MYO18B: variants seen among roughly 807,000 people sequenced by gnomAD.
MYO18B encodes myosin XVIIIB, also known as unconventional myosin-XVIIIb.
In MYO18B, 204 loss-of-function variants were observed where a neutral mutation model predicts 273.0. That is an observed-to-expected ratio of 0.75 (90% CI 0.67 to 0.84). The LOEUF (loss-of-function observed/expected upper bound fraction) is 0.84. MYO18B is among the 40% of genes least tolerant of loss of function. MYO18B has a pLI of 0.00. For missense variants in MYO18B, 3,212 were observed against 3,287.6 expected (o/e 0.98, Z 0.56); for synonymous variants, 1,330 against 1,305.7 (o/e 1.02, Z -0.40).
At chr22:25,878,161 C>G in intron 25 of MYO18B, 113 bp downstream of exon 25, 1 of 784,090 alleles carries the variant, frequency 1.3e-6, no homozygotes, top group African/African-American at 1.8e-5. Context: ...TTACAAGCAC[C>G]CCAGAATTAC....
intron 24 of MYO18B, 114 bp from the exon 25 acceptor site, chr22:25,877,845 T>C: frequency 1.4e-6 from 1 of 710,070 alleles, no homozygotes; most frequent in Non-Finnish European, 2.4e-6. Context: ...GTGCAATAGA[T>C]TGCTAAGGTT....
intron 34 of MYO18B, among the ~76,000 whole-genome samples, chr22:25,937,582 A>ATCCTTTTTTTTT (rs1569211217): frequency 6.9e-6 from 1 of 144,300 alleles, no homozygotes. Context: ...CTGGCCTGAC[A>ATCCTTTTTTTTT]TTCTTTTTTT....
chr22:25,814,625 C>G (rs1040280770), intron 12 of MYO18B, among the ~76,000 whole-genome samples: 2 of 152,088 alleles, frequency 1.3e-5, no homozygotes, highest in Non-Finnish European at 2.9e-5. Flanking sequence ...ACCAGATACC[C>G]TATTCACCCC....
At chr22:25,866,019 G>T (rs2090874934) in intron 21 of MYO18B, among the ~76,000 whole-genome samples, 1 of 152,074 alleles carries the variant, frequency 6.6e-6, no homozygotes, top group African/African-American at 2.4e-5. Flanking sequence ...CTTCCAGGAG[G>T]TTGGAAGATG....
chr22:25,747,815 C>T (rs1460978708), intron 1 of MYO18B, among the ~76,000 whole-genome samples: 2 of 152,190 alleles, frequency 1.3e-5, no homozygotes, highest in Non-Finnish European at 2.9e-5. Flanking sequence ...AAATGGCTCA[C>T]AGGCCTACGG....
chr22:25,850,966 G>A (rs768021652), intron 20 of MYO18B, among the ~76,000 whole-genome samples: 1 of 152,148 alleles, frequency 6.6e-6, no homozygotes, highest in Non-Finnish European at 1.5e-5. Flanking sequence ...ATGCAGTTGC[G>A]TCCACCCTGC....
intron 29 of MYO18B, chr22:25,899,898 G>A (rs562284197): frequency 1.3e-5 from 2 of 152,316 alleles, no homozygotes; most frequent in South Asian, 4.2e-4. Context: ...TGAAACAAGA[G>A]GTTGGGACTC....
At chr22:25,828,562 C>T (rs1386137725) in intron 14 of MYO18B, among the ~76,000 whole-genome samples, 1 of 150,832 alleles carries the variant, frequency 6.6e-6, no homozygotes, top group African/African-American at 2.4e-5. Flanking sequence ...TTCCTTTAGT[C>T]CTTATAGCTA....
At chr22:25,806,449 C>T (rs5761231) in intron 12 of MYO18B, among the ~76,000 whole-genome samples, 10,018 of 152,240 alleles carry the variant, frequency 0.066, 576 homozygotes, top group East Asian at 0.21. Context: ...AATGAGACTG[C>T]ATCCCTCCCT....
chr22:25,770,062 G>T, intron 4 of MYO18B, 48 bp from the exon 5 acceptor site: 1 of 1,588,112 alleles, frequency 6.3e-7, no homozygotes, highest in African/African-American at 1.3e-5. Flanking sequence ...GTAGAAGATG[G>T]GCAGCGGTGC....
intron 34 of MYO18B, among the ~76,000 whole-genome samples, chr22:25,926,230 T>C (rs1050938840): frequency 1.3e-5 from 2 of 151,674 alleles, no homozygotes; most frequent in African/African-American, 4.8e-5. Context: ...AAAAAGAAAT[T>C]AGAACATGTT....
intron 42 of MYO18B, among the ~76,000 whole-genome samples, chr22:26,009,392 C>T (rs972844058): frequency 3.9e-5 from 6 of 152,186 alleles, no homozygotes; most frequent in African/African-American, 1.4e-4. Context: ...CAGCTGAGGT[C>T]CTCCCCATCC....
intron 34 of MYO18B, among the ~76,000 whole-genome samples, chr22:25,922,430 A>G (rs890577789): frequency 6.6e-6 from 1 of 152,060 alleles, no homozygotes; most frequent in East Asian, 1.9e-4. Context: ...TTGCGGAGAG[A>G]TGTCCCAAAG....
At chr22:25,870,937 A>G (rs2091029899) in intron 22 of MYO18B, among the ~76,000 whole-genome samples, 1 of 152,254 alleles carries the variant, frequency 6.6e-6, no homozygotes, top group Admixed American at 6.5e-5. Context: ...CATGCAGTTT[A>G]CAGTGGCAGG....
the MYO18B span, among the ~76,000 whole-genome samples, chr22:26,050,438 T>C: frequency 6.6e-6 from 1 of 152,190 alleles, no homozygotes; most frequent in Non-Finnish European, 1.5e-5. Flanking sequence ...TGTTTCAAGA[T>C]TGCCTTCTGC....
chr22:25,954,873 G>A (rs748876644), intron 38 of MYO18B, among the ~76,000 whole-genome samples: 6 of 152,058 alleles, frequency 3.9e-5, no homozygotes, highest in Admixed American at 2.6e-4. Context: ...CACCACGCCC[G>A]GCTAATTTTT....
At chr22:25,990,372 A>G (rs1436486895) in intron 39 of MYO18B, among the ~76,000 whole-genome samples, 1 of 152,006 alleles carries the variant, frequency 6.6e-6, no homozygotes, top group Non-Finnish European at 1.5e-5. Flanking sequence ...TGCTGGCTTT[A>G]GTTTCCTCAT....
At chr22:25,988,830 A>C (rs2093229991) in intron 39 of MYO18B, among the ~76,000 whole-genome samples, 3 of 152,178 alleles carry the variant, frequency 2.0e-5, no homozygotes, top group African/African-American at 7.2e-5. Context: ...CCATTTCCCC[A>C]GTGAGACAAC....
At chr22:25,920,315 A>G (rs1440594099) in intron 33 of MYO18B, among the ~76,000 whole-genome samples, 1 of 152,182 alleles carries the variant, frequency 6.6e-6, no homozygotes, top group Non-Finnish European at 1.5e-5. Context: ...AGTTTCTTTC[A>G]GAGATGTTAA....
Sources: allele counts gnomAD v4.1 joint callset (sites outside exome capture counted in the v4.1 genomes callset), GRCh38; gene constraint gnomAD v4.1.1; transcripts MANE v1.5; gene names NCBI Gene and HGNC (gene_info 2026-07-23, HGNC 2026-07-21).